The following NOS1AP variants were observed in gnomAD, a reference collection of about 807,000 sequenced individuals.
NOS1AP encodes nitric oxide synthase 1 adaptor protein.
Under a neutral mutation model 56.2 loss-of-function variants are expected in NOS1AP, and 21 were observed. That is an observed-to-expected ratio of 0.37 (90% CI 0.26 to 0.54). NOS1AP has a LOEUF of 0.54. Ranked by LOEUF, NOS1AP falls within the 20% of genes least tolerant of loss-of-function variation. The pLI, the probability that NOS1AP is intolerant of heterozygous loss-of-function variation, is 0.84. For synonymous variants in NOS1AP, 270 were observed against 274.6 expected (o/e 0.98, Z 0.17); for missense variants, 522 against 657.8 (o/e 0.79, Z 2.26).
At chr1:162,112,510 C>T (rs1647749542) in intron 1 of NOS1AP, among the ~76,000 whole-genome samples, 1 of 152,222 alleles carries the variant, frequency 6.6e-6, no homozygotes, top group African/African-American at 2.4e-5. Context: ...AGACCAATGG[C>T]TCCCTGGAGG....
intron 7 of NOS1AP, 133 bp downstream of exon 7, chr1:162,355,486 C>A: frequency 6.4e-6 from 7 of 1,085,868 alleles, no homozygotes; most frequent in Non-Finnish European, 9.7e-6. Flanking sequence ...GAGCGCACTT[C>A]ATTGCCTTTC....
At chr1:162,302,626 A>G (rs1184106230) in intron 4 of NOS1AP, among the ~76,000 whole-genome samples, 1 of 152,258 alleles carries the variant, frequency 6.6e-6, no homozygotes, top group African/African-American at 2.4e-5. Flanking sequence ...ACATGTCCCA[A>G]GTAAGCTGCT....
chr1:162,163,731 G>A (rs1348421026), intron 2 of NOS1AP, among the ~76,000 whole-genome samples: 1 of 152,212 alleles, frequency 6.6e-6, no homozygotes, highest in Non-Finnish European at 1.5e-5. Context: ...AAGAAGGCTA[G>A]TGTGAATAGA....
intron 2 of NOS1AP, among the ~76,000 whole-genome samples, chr1:162,269,607 G>A (rs1276511286): frequency 3.3e-5 from 5 of 152,110 alleles, no homozygotes; most frequent in East Asian, 1.9e-4. Context: ...TTTTCTTTTT[G>A]GCACAATTAT....
At position 162,295,410 on chromosome 1, in the gene NOS1AP, G is replaced by T. The variant is rs967047529; in HGVS notation, c.271-5223G>T. ...TAAACTGAGTTTGGCTGTAGTTATTGTTCAGTAATACATTCTGTCCTATCT... is the reference window on the plus strand; with the variant it reads ...TAAACTGAGTTTGGCTGTAGTTATTTTTCAGTAATACATTCTGTCCTATCT... On this transcript the variant is annotated intron_variant, in intron 3 of 9. Transcript: ENST00000361897. Among the ~76,000 whole-genome samples the T allele has an allele frequency of 2.0e-5, 3 of 152,218 alleles. 1 individual carries two copies. The highest frequency in any genetic ancestry group is 3.9e-4 in the East Asian group (2 of 5,176).
intron 5 of NOS1AP, 24 bp downstream of exon 5, chr1:162,333,149 C>T: frequency 6.6e-7 from 1 of 1,520,974 alleles, no homozygotes; most frequent in South Asian, 1.1e-5. Context: ...TGCCGTCCAT[C>T]TGCTATTTTC....
In NOS1AP at chr1:162,131,699, G is replaced by A. The variant is rs189510083; in HGVS notation, c.106-22706G>A. On this transcript the variant is annotated intron_variant, in intron 1 of 9. Transcript: ENST00000361897. ...AAACAGCCCGTTTTATGGGCCTCTTGGACCATTCTGTGAGCTCCAGTGTTA... is the reference window on the plus strand; with the variant it reads ...AAACAGCCCGTTTTATGGGCCTCTTAGACCATTCTGTGAGCTCCAGTGTTA... Among the ~76,000 whole-genome samples, 8 of 152,084 alleles carry A rather than the reference G, an allele frequency of 5.3e-5. No homozygotes were observed. In the Middle Eastern group the frequency reaches 0.017, roughly 326 times the overall value.
chr1:162,323,525 C>G (rs1270509749), intron 4 of NOS1AP, among the ~76,000 whole-genome samples: 1 of 152,202 alleles, frequency 6.6e-6, no homozygotes, highest in Admixed American at 6.5e-5. Flanking sequence ...ATAACTGTAT[C>G]CACTTCATAC....
intron 2 of NOS1AP, among the ~76,000 whole-genome samples, chr1:162,173,950 C>T (rs1445594856): frequency 6.6e-6 from 1 of 152,168 alleles, no homozygotes; most frequent in Non-Finnish European, 1.5e-5. Context: ...AACACTTTTA[C>T]ACTGTTGGTG....
At chr1:162,264,195 C>T (rs962746803) in intron 2 of NOS1AP, among the ~76,000 whole-genome samples, 2 of 152,164 alleles carry the variant, frequency 1.3e-5, no homozygotes, top group Non-Finnish European at 2.9e-5. Flanking sequence ...AGGGTAAAGG[C>T]CATACTTCTT....
intron 1 of NOS1AP, among the ~76,000 whole-genome samples, chr1:162,132,911 A>G (rs975485766): frequency 3.3e-5 from 5 of 152,068 alleles, no homozygotes; most frequent in African/African-American, 1.2e-4. Flanking sequence ...ATGTGCCCCA[A>G]TTTCCTTGTT....
chr1:162,359,911 A>T (rs1657836370), intron 8 of NOS1AP, among the ~76,000 whole-genome samples: 1 of 152,056 alleles, frequency 6.6e-6, no homozygotes, highest in Non-Finnish European at 1.5e-5. Flanking sequence ...GAGCATCCAA[A>T]TCCTCCTATG....
chr1:162,289,272 CCTTCCTTT>C (rs773625443), intron 3 of NOS1AP, among the ~76,000 whole-genome samples: 11,840 of 59,548 alleles, frequency 0.2, 1,610 homozygotes, highest in Non-Finnish European at 0.25. Flanking sequence ...TTCCTTCCTT[CCTTCCTTT>C]CCTTCCTTCC....
chr1:162,273,954 T>C (rs772442380), intron 2 of NOS1AP, among the ~76,000 whole-genome samples: 11 of 152,222 alleles, frequency 7.2e-5, no homozygotes, highest in Non-Finnish European at 1.3e-4. Flanking sequence ...ACAATTTGCT[T>C]ATCCATTCAC....
chr1:162,357,742 C>A (rs114282114), intron 8 of NOS1AP, among the ~76,000 whole-genome samples: 1 of 151,968 alleles, frequency 6.6e-6, no homozygotes, highest in Non-Finnish European at 1.5e-5. Flanking sequence ...TGGCTTAGAT[C>A]TCAGAATCAA....
intron 1 of NOS1AP, among the ~76,000 whole-genome samples, chr1:162,087,670 C>CCCATGTATT (rs1692034577): frequency 6.6e-6 from 1 of 152,182 alleles, no homozygotes; most frequent in Non-Finnish European, 1.5e-5. Flanking sequence ...TTTGATTCTT[C>CCCATGTATT]CCATGTATTC....
intron 2 of NOS1AP, among the ~76,000 whole-genome samples, chr1:162,209,780 C>T (rs1652287694): frequency 6.6e-6 from 1 of 151,454 alleles, no homozygotes; most frequent in Non-Finnish European, 1.5e-5. Context: ...GGGCGGGGGG[C>T]AAGGGCAGGG....
intron 2 of NOS1AP, among the ~76,000 whole-genome samples, chr1:162,274,877 C>A (rs558747094): frequency 3.3e-5 from 5 of 152,236 alleles, no homozygotes; most frequent in Admixed American, 2.6e-4. Context: ...ATCAAGTGTC[C>A]ATTTGAGTCA....
At chr1:162,126,661 T>C (rs1163355309) in intron 1 of NOS1AP, among the ~76,000 whole-genome samples, 1 of 152,220 alleles carries the variant, frequency 6.6e-6, no homozygotes, top group Non-Finnish European at 1.5e-5. Context: ...ATGTGGTTTA[T>C]TCAACTTGTT....
Sources: allele counts gnomAD v4.1 joint callset (sites outside exome capture counted in the v4.1 genomes callset), GRCh38; gene constraint gnomAD v4.1.1; transcripts MANE v1.5; gene names NCBI Gene and HGNC (gene_info 2026-07-23, HGNC 2026-07-21).